Variants in TAOK1 observed in about 807,000 individuals in gnomAD.
The protein encoded by TAOK1 is serine/threonine-protein kinase TAO1.
In TAOK1, 21 loss-of-function variants were observed where a neutral mutation model predicts 138.3. The observed-to-expected ratio is 0.15, with a 90% confidence interval of 0.11 to 0.22. The LOEUF is 0.22. Ranked by LOEUF, TAOK1 falls within the 10% of genes least tolerant of loss-of-function variation. The pLI is 1.00. For synonymous variants in TAOK1, 361 were observed against 398.4 expected (o/e 0.91, Z 1.12); for missense variants, 651 against 1,227.7 (o/e 0.53, Z 7.02).
chr17:29,508,819 AAGTT>A (rs2031669271), intron 14 of TAOK1, among the ~76,000 whole-genome samples: 1 of 152,168 alleles, frequency 6.6e-6, no homozygotes. Context: ...TACATGATAA[AAGTT>A]AGTTTTTAGG....
At chr17:29,399,288 A>T (rs1423410989) in intron 1 of TAOK1, among the ~76,000 whole-genome samples, 1 of 152,000 alleles carries the variant, frequency 6.6e-6, no homozygotes, top group Non-Finnish European at 1.5e-5. Flanking sequence ...GAGTTGCATT[A>T]TATAATTTTG....
chr17:29,476,654 C>T (rs987519517), intron 4 of TAOK1, among the ~76,000 whole-genome samples: 1 of 151,986 alleles, frequency 6.6e-6, no homozygotes, highest in African/African-American at 2.4e-5. Flanking sequence ...TCCAGGACAC[C>T]CACCCCCAGG....
At chr17:29,410,201 CCA>C (rs1206793539) in intron 1 of TAOK1, among the ~76,000 whole-genome samples, 3 of 152,124 alleles carry the variant, frequency 2.0e-5, no homozygotes, top group Admixed American at 2.0e-4. Context: ...ATAATACTTT[CCA>C]CATAGTGTTA....
chr17:29,465,128 A>ATTTT lies in TAOK1; in HGVS notation c.133-1991_133-1988dup, dbSNP rs57794003. Among the ~76,000 whole-genome samples the ATTTT allele has an allele frequency of 1.4e-3, 87 of 63,156 alleles. 4 individuals are homozygous for ATTTT. The highest frequency in any genetic ancestry group is 4.8e-3 in the African/African-American group (70 of 14,726). 41.4% of individuals were successfully genotyped at this position (63,156 alleles called of 152,430 possible). A position where few individuals can be genotyped will look rare whatever the true frequency, so the allele number is the denominator to read the frequency against. ...AAGCCACCATGCCTGGTCTTATTTA[A>ATTTT]TTTTTTTTTTTTTTTTTTTTTTTTT... On this transcript the variant is annotated intron_variant, in intron 2 of 19. Transcript: ENST00000261716.
intron 1 of TAOK1, among the ~76,000 whole-genome samples, chr17:29,449,864 A>T (rs1037069500): frequency 6.6e-6 from 1 of 152,158 alleles, no homozygotes; most frequent in African/African-American, 2.4e-5. Flanking sequence ...ATAAAGCCTG[A>T]TGAAATCAAT....
rs950514885 is a variant in TAOK1 at position 29,478,418 on chromosome 17, ACT to A, written c.449+74_449+75del. 1.3e-5 allele frequency: 15 copies of A among 1,120,320 alleles called. No individual in the cohort carries two copies. The Admixed American group carries it at 2.4e-4, about 18-fold the overall frequency. The allele number at this position is 1,120,320 out of a possible 1,614,324, so 69.4% of individuals were successfully genotyped here. ...CATATACCAACTTTAGAATTTATTA[ACT>A]CTAAAGTTTTTATTGGTTAAAGCCA... is the stretch of plus-strand genomic sequence containing the variant. On this transcript the variant is annotated intron_variant, in intron 6 of 19. Coordinates refer to ENST00000261716, the MANE Select transcript of TAOK1 (RefSeq NM_020791.4).
At chr17:29,460,745 CAG>C (rs978558453) in intron 2 of TAOK1, among the ~76,000 whole-genome samples, 1 of 152,046 alleles carries the variant, frequency 6.6e-6, no homozygotes, top group African/African-American at 2.4e-5. Flanking sequence ...TGGCATGTAT[CAG>C]AGATCGAAGC....
intron 19 of TAOK1, 33 bp downstream of exon 19, chr17:29,534,333 C>T (rs373243740): frequency 3.7e-5 from 55 of 1,474,646 alleles, no homozygotes; most frequent in Admixed American, 4.9e-5. Flanking sequence ...TCATTGTTTT[C>T]GAATTAGCTT....
chr17:29,452,899 G>A (rs2030273446), intron 2 of TAOK1, among the ~76,000 whole-genome samples: 1 of 152,214 alleles, frequency 6.6e-6, no homozygotes, highest in East Asian at 1.9e-4. Context: ...GAACACATGG[G>A]TTGTTTCCAC....
At chr17:29,414,704 G>A (rs960287523) in intron 1 of TAOK1, among the ~76,000 whole-genome samples, 4 of 151,208 alleles carry the variant, frequency 2.6e-5, no homozygotes, top group Admixed American at 6.6e-5. Context: ...CTACAAGCAC[G>A]CACCACCATG....
intron 1 of TAOK1, among the ~76,000 whole-genome samples, chr17:29,394,398 C>G (rs1193848127): frequency 6.6e-6 from 1 of 151,866 alleles, no homozygotes; most frequent in African/African-American, 2.4e-5. Flanking sequence ...ATCTCCTGAC[C>G]TTGTGATCTG....
intron 1 of TAOK1, among the ~76,000 whole-genome samples, chr17:29,434,600 G>A (rs562719758): frequency 3.9e-5 from 6 of 152,072 alleles, no homozygotes; most frequent in Non-Finnish European, 7.4e-5. Context: ...CAGGGGTGTC[G>A]AGACAATAGG....
intron 8 of TAOK1, among the ~76,000 whole-genome samples, chr17:29,482,569 A>G (rs1468666192): frequency 6.6e-6 from 1 of 152,106 alleles, no homozygotes; most frequent in African/African-American, 2.4e-5. Flanking sequence ...GTATTTGTTA[A>G]ACACCTAGAA....
At chr17:29,488,431 G>A (rs190220599) in intron 8 of TAOK1, among the ~76,000 whole-genome samples, 21 of 87,218 alleles carry the variant, frequency 2.4e-4, no homozygotes, top group East Asian at 6.1e-4. Flanking sequence ...TTAGCCAGGC[G>A]TGGCAGCGCA....
chr17:29,393,984 G>A (rs1436547068), intron 1 of TAOK1, among the ~76,000 whole-genome samples: 4 of 151,944 alleles, frequency 2.6e-5, no homozygotes, highest in Non-Finnish European at 5.9e-5. Context: ...TTGAATGGGT[G>A]TTGATATAAA....
intron 12 of TAOK1, among the ~76,000 whole-genome samples, chr17:29,499,543 TTTTTCTTTCTTTCTTTCTTTC>T (rs2031484761): frequency 7.8e-6 from 1 of 128,888 alleles, no homozygotes; most frequent in Non-Finnish European, 1.6e-5. Flanking sequence ...TTTATATCTT[TTTTTCTTTCTTTCTTTCTTTC>T]TTTTTTTTTT....
intron 12 of TAOK1, among the ~76,000 whole-genome samples, chr17:29,500,921 CAA>C (rs2031512005): frequency 2.6e-5 from 4 of 151,938 alleles, no homozygotes; most frequent in Admixed American, 2.6e-4. Flanking sequence ...CTAAAATAGG[CAA>C]ATTCATAGTG....
At chr17:29,499,563 TC>T (rs66489046) in intron 12 of TAOK1, among the ~76,000 whole-genome samples, 47,560 of 133,148 alleles carry the variant, frequency 0.36, 10,124 homozygotes, top group Non-Finnish European at 0.47. Context: ...TTTCTTTCTT[TC>T]TTTTTTTTTT....
chr17:29,494,211 T>TA (rs2031364565), intron 10 of TAOK1, among the ~76,000 whole-genome samples: 1 of 152,046 alleles, frequency 6.6e-6, no homozygotes, highest in Non-Finnish European at 1.5e-5. Flanking sequence ...CCAGCTAAAA[T>TA]AATAATACTT....
Sources: gnomAD v4.1 joint callset for allele counts (sites outside exome capture counted in the v4.1 genomes callset) on GRCh38, gnomAD v4.1.1 for gene constraint, MANE v1.5 for transcripts, NCBI Gene and HGNC (gene_info 2026-07-23, HGNC 2026-07-21) for gene names.